PRIMA1: variants seen among roughly 807,000 people sequenced by gnomAD.
The protein encoded by PRIMA1 is proline-rich membrane anchor 1.
In PRIMA1, 7 loss-of-function variants were observed where a neutral mutation model predicts 17.5. The ratio of observed to expected loss-of-function variants is 0.40; its 90% CI spans 0.23 to 0.75. The LOEUF is 0.75. PRIMA1 is among the 30% of genes least tolerant of loss of function. PRIMA1 has a pLI of 0.37. For synonymous variants in PRIMA1, 97 were observed against 77.9 expected, an observed-to-expected ratio of 1.25 and a Z score of -1.29; for missense variants, 200 against 201.8, an observed-to-expected ratio of 0.99 and a Z score of 0.05.
At chr14:93,770,410 C>G (rs1205920683) in intron 3 of PRIMA1, among the ~76,000 whole-genome samples, 1 of 152,232 alleles carries the variant, frequency 6.6e-6, no homozygotes, top group Non-Finnish European at 1.5e-5. Flanking sequence ...GGCTCACCTC[C>G]TGCAGTCTTC....
At chr14:93,743,815 A>G (rs8013814) in intron 3 of PRIMA1, among the ~76,000 whole-genome samples, 152,040 of 152,344 alleles carry the variant, frequency 1, 75,874 homozygotes, top group Middle Eastern at 1. Flanking sequence ...CTTTGGCACC[A>G]CTCCCTCCCG....
chr14:93,734,665 C>T (rs537700132), intron 4 of PRIMA1, among the ~76,000 whole-genome samples: 3 of 152,108 alleles, frequency 2.0e-5, no homozygotes, highest in Non-Finnish European at 4.4e-5. Context: ...ACCACCCACA[C>T]CCCTGGAAGA....
chr14:93,742,029 A>G (rs923514986), intron 3 of PRIMA1, among the ~76,000 whole-genome samples: 1 of 152,240 alleles, frequency 6.6e-6, no homozygotes, highest in African/African-American at 2.4e-5. Flanking sequence ...GCTTCATCAG[A>G]GGAGCAGCTG....
At chr14:93,730,613 A>C (rs1385715754) in intron 4 of PRIMA1, among the ~76,000 whole-genome samples, 1 of 151,980 alleles carries the variant, frequency 6.6e-6, no homozygotes, top group Non-Finnish European at 1.5e-5. Flanking sequence ...TCTGGCTCAG[A>C]CTCCATAGGA....
At position 93,726,521 on chromosome 14, in the gene PRIMA1, G is replaced by A. The variant is rs2076077098; in HGVS notation, c.360-4975C>T. Among the ~76,000 whole-genome samples, 1 of 151,424 alleles carries A rather than the reference G, an allele frequency of 6.6e-6. No individual in the cohort carries two copies. Among genetic ancestry groups the A allele is most frequent in the South Asian group, 2.1e-4 (1 of 4,788 alleles). ...CACATGAACCTGCGTAACACACACA[G>A]GCACGTACACATAGACACATGTACA... On this transcript the variant is annotated intron_variant, in intron 4 of 4. Coordinates refer to ENST00000393140, the MANE Select transcript of PRIMA1 (RefSeq NM_178013.4). The surrounding 1 kb of genome is among the most constrained non-coding windows in gnomAD (Gnocchi z 4.2).
chr14:93,760,310 A>G (rs1479947353), intron 3 of PRIMA1, among the ~76,000 whole-genome samples: 1 of 152,182 alleles, frequency 6.6e-6, no homozygotes, highest in Non-Finnish European at 1.5e-5. Context: ...CCAGAATCAC[A>G]GCCAGACTCC....
At position 93,761,883 on chromosome 14, in the gene PRIMA1, C is replaced by A. The variant is rs1165138933; in HGVS notation, c.229+17293G>T. On this transcript the variant is annotated intron_variant, in intron 3 of 4. Coordinates refer to ENST00000393140, the MANE Select transcript of PRIMA1 (RefSeq NM_178013.4). ...AATTAGAAGAGTTTTGGGCTGTGCA[C>A]TTTTTTAGCAAAAACCAAGAGTGGC... is the stretch of plus-strand genomic sequence containing the variant. 1.3e-5 allele frequency among the ~76,000 whole-genome samples: 2 copies of A among 152,234 alleles called. 1 individual carries two copies. The highest frequency in any genetic ancestry group is 4.1e-4 in the South Asian group (2 of 4,828).
At chr14:93,783,224 A>G (rs994257673) in intron 2 of PRIMA1, among the ~76,000 whole-genome samples, 1 of 152,186 alleles carries the variant, frequency 6.6e-6, no homozygotes, top group African/African-American at 2.4e-5. Context: ...GAGCCCTACT[A>G]TGTGTCCATC....
At chr14:93,744,274 G>A (rs942223767) in intron 3 of PRIMA1, among the ~76,000 whole-genome samples, 2 of 152,184 alleles carry the variant, frequency 1.3e-5, no homozygotes, top group African/African-American at 4.8e-5. Context: ...ACTGAGGAAG[G>A]AGTGGTGTGG....
chr14:93,779,130 G>A, intron 3 of PRIMA1, 46 bp downstream of exon 3: 1 of 1,378,960 alleles, frequency 7.3e-7, no homozygotes, highest in Non-Finnish European at 9.5e-7. Context: ...CGTGGGCCTA[G>A]GAAAACACAA....
intron 3 of PRIMA1, among the ~76,000 whole-genome samples, chr14:93,752,771 C>A (rs2076268258): frequency 6.6e-6 from 1 of 152,090 alleles, no homozygotes; most frequent in Non-Finnish European, 1.5e-5. Context: ...GGGCACGCAA[C>A]CTGGGTTATG....
intron 3 of PRIMA1, among the ~76,000 whole-genome samples, chr14:93,743,473 AGCCCAGCTCCGG>A (rs1426052751): frequency 2.0e-5 from 3 of 152,228 alleles, no homozygotes; most frequent in Non-Finnish European, 4.4e-5. Context: ...CTTCCTGAGC[AGCCCAGCTCCGG>A]GCCCATCAGG....
At chr14:93,786,849 C>T (rs1380034043) in intron 2 of PRIMA1, among the ~76,000 whole-genome samples, 3 of 152,208 alleles carry the variant, frequency 2.0e-5, no homozygotes, top group Non-Finnish European at 2.9e-5. Context: ...GCATTTATCT[C>T]ATCAAGTACT....
intron 3 of PRIMA1, among the ~76,000 whole-genome samples, chr14:93,767,145 G>A (rs547157790): frequency 6.6e-5 from 10 of 152,310 alleles, no homozygotes; most frequent in East Asian, 3.9e-4. Flanking sequence ...AAGGGGGTGG[G>A]CAGACCAAGA....
intron 2 of PRIMA1, among the ~76,000 whole-genome samples, chr14:93,781,531 G>A (rs1203500033): frequency 1.3e-5 from 2 of 152,222 alleles, no homozygotes; most frequent in Non-Finnish European, 2.9e-5. Context: ...GAGTTCAAGA[G>A]AAGCACGTTT....
chr14:93,759,194 T>C (rs781443049), intron 3 of PRIMA1, among the ~76,000 whole-genome samples: 1 of 152,174 alleles, frequency 6.6e-6, no homozygotes, highest in African/African-American at 2.4e-5. Flanking sequence ...GGCTAAGCAG[T>C]TGCTCAGCGG....
At position 93,771,517 on chromosome 14, in the gene PRIMA1, G is replaced by C. The variant is rs540432888; in HGVS notation, c.229+7659C>G. On this transcript the variant is annotated intron_variant, in intron 3 of 4. Transcript: ENST00000393140. The stretch of plus-strand genomic sequence containing the variant: ...AAGACATGGGAGAGGAAGCCTTCAA[G>C]GTGGCCCCAGCCCTGGCTGACAGAC... Among the ~76,000 whole-genome samples, 9 of 152,258 alleles carry C rather than the reference G, an allele frequency of 5.9e-5. 1 individual carries two copies. The highest frequency in any genetic ancestry group is 2.2e-4 in the African/African-American group (9 of 41,548).
At chr14:93,725,723 T>G (rs1401750397) in intron 4 of PRIMA1, 4 of 341,940 alleles carry the variant, frequency 1.2e-5, no homozygotes, top group Middle Eastern at 9.9e-4. Context: ...ATACCGTAAG[T>G]GCTCCATAAA....
chr14:93,734,229 G>C (rs1331160249), intron 4 of PRIMA1, among the ~76,000 whole-genome samples: 2 of 152,210 alleles, frequency 1.3e-5, no homozygotes, highest in African/African-American at 4.8e-5. Flanking sequence ...GCATAGCGTC[G>C]GCTTACACCC....
Sources: gnomAD v4.1 joint callset for allele counts (sites outside exome capture counted in the v4.1 genomes callset) on GRCh38, gnomAD v4.1.1 for gene constraint, Gnocchi (gnomAD v3.1) non-coding constraint, MANE v1.5 for transcripts, NCBI Gene and HGNC (gene_info 2026-07-23, HGNC 2026-07-21) for gene names.